NAV1: variants seen among roughly 807,000 people sequenced by gnomAD.
NAV1 encodes pore membrane and/or filament interacting like protein 3.
In NAV1, 18 loss-of-function variants were observed where a neutral mutation model predicts 175.2. The observed-to-expected ratio is 0.10, with a 90% confidence interval of 0.07 to 0.15. NAV1 has a LOEUF of 0.15. NAV1 is among the 10% of genes least tolerant of loss of function. The pLI, the probability that NAV1 is intolerant of heterozygous loss-of-function variation, is 1.00. For missense variants in NAV1, 1,731 were observed against 2,436.6 expected, an observed-to-expected ratio of 0.71 and a Z score of 6.10; for synonymous variants, 897 against 978.7, an observed-to-expected ratio of 0.92 and a Z score of 1.56.
chr1:201,806,626 T>C (rs1038338479), intron 17 of NAV1, among the ~76,000 whole-genome samples: 1 of 152,168 alleles, frequency 6.6e-6, no homozygotes. Context: ...AAGTCTTACG[T>C]CAATTATGCA....
chr1:201,751,506 C>G, intron 3 of NAV1, among the ~76,000 whole-genome samples: 1 of 152,186 alleles, frequency 6.6e-6, no homozygotes, highest in Non-Finnish European at 1.5e-5. Context: ...GGAATTTTGT[C>G]TGAATGGAAA....
chr1:201,676,368 C>T (rs1229449664), intron 1 of NAV1, among the ~76,000 whole-genome samples: 3 of 152,196 alleles, frequency 2.0e-5, no homozygotes, highest in Non-Finnish European at 2.9e-5. Context: ...TCTTTCTCTC[C>T]CTTTCTCCTT....
At chr1:201,642,523 T>TTCTTTCTTTCTTTC (rs1235070900) in intron 2 of NAV1, among the ~76,000 whole-genome samples, 29 of 96,602 alleles carry the variant, frequency 3.0e-4, no homozygotes, top group Non-Finnish European at 3.7e-4. Flanking sequence ...CTTTCTTTCT[T>TTCTTTCTTTCTTTC]TTTTTCTTTC....
intron 3 of NAV1, among the ~76,000 whole-genome samples, chr1:201,745,496 A>G (rs949112351): frequency 1.1e-4 from 17 of 152,230 alleles, no homozygotes; most frequent in African/African-American, 3.9e-4. Flanking sequence ...TTTCCTGGGT[A>G]CTGAGCTGGG....
intron 2 of NAV1, among the ~76,000 whole-genome samples, chr1:201,592,298 G>A (rs1667222355): frequency 6.6e-6 from 1 of 152,220 alleles, no homozygotes; most frequent in Non-Finnish European, 1.5e-5. Flanking sequence ...AAGCAGAGAG[G>A]GAAAGACAGT....
intron 1 of NAV1, among the ~76,000 whole-genome samples, chr1:201,580,612 A>C (rs1346197323): frequency 6.6e-6 from 1 of 152,174 alleles, no homozygotes; most frequent in Non-Finnish European, 1.5e-5. Flanking sequence ...GTCTCTGCTA[A>C]AAATACAAAA....
At chr1:201,595,612 G>A (rs1460396621) in intron 2 of NAV1, among the ~76,000 whole-genome samples, 1 of 152,232 alleles carries the variant, frequency 6.6e-6, no homozygotes, top group African/African-American at 2.4e-5. Context: ...TGGGGCCAGG[G>A]TAGGGGCAGG....
rs547292028 is a variant in NAV1, at chr1:201,552,421, C to T, written c.-144+13079C>T. Among the ~76,000 whole-genome samples the T allele has an allele frequency of 5.1e-4, 78 of 152,208 alleles. 1 individual carries two copies. The highest frequency in any genetic ancestry group is 9.6e-4 in the Non-Finnish European group (65 of 68,020). ...ATGTCCTTTCCCTTTCTCCTGCCCA[C>T]GGGAGCGCTGAAGGTGCTGAATTTC... is the stretch of plus-strand genomic sequence containing the variant. On this transcript the variant is annotated intron_variant, in intron 1 of 33. Coordinates refer to the NAV1 transcript ENST00000685211.
At chr1:201,589,245 C>T (rs1309138519) in intron 2 of NAV1, among the ~76,000 whole-genome samples, 1 of 152,132 alleles carries the variant, frequency 6.6e-6, no homozygotes, top group African/African-American at 2.4e-5. Flanking sequence ...AATATGGAGC[C>T]TTTTTACCCC....
intron 2 of NAV1, among the ~76,000 whole-genome samples, chr1:201,591,758 C>T (rs1291218318): frequency 6.6e-6 from 1 of 152,072 alleles, no homozygotes; most frequent in Non-Finnish European, 1.5e-5. Context: ...GCGGCATTGT[C>T]CCTCTTCTGT....
At chr1:201,556,989 C>CGGGAACCCTGACTCCATGATCCT (rs1557995926) in intron 1 of NAV1, among the ~76,000 whole-genome samples, 2 of 152,126 alleles carry the variant, frequency 1.3e-5, no homozygotes, top group Non-Finnish European at 2.9e-5. Context: ...GCCAGGGTCC[C>CGGGAACCCTGACTCCATGATCCT]GGGAACCCTG....
At chr1:201,613,204 A>G (rs1387717066) in intron 2 of NAV1, among the ~76,000 whole-genome samples, 1 of 151,960 alleles carries the variant, frequency 6.6e-6, no homozygotes, top group Non-Finnish European at 1.5e-5. Flanking sequence ...ATGAAAAGAG[A>G]TCTCCCCATC....
At chr1:201,626,693 C>A (rs1571851903) in intron 1 of NAV1, among the ~76,000 whole-genome samples, 1 of 152,222 alleles carries the variant, frequency 6.6e-6, no homozygotes, top group African/African-American at 2.4e-5. Flanking sequence ...TTTACCACCT[C>A]CCTAACCCCC....
intron 1 of NAV1, among the ~76,000 whole-genome samples, chr1:201,650,511 C>A (rs1376264355): frequency 6.6e-6 from 1 of 152,158 alleles, no homozygotes; most frequent in African/African-American, 2.4e-5. Context: ...CCTGGGTACC[C>A]GGCAGGCTGC....
chr1:201,757,034 CTGTTATACG>C (rs564223993), intron 3 of NAV1, among the ~76,000 whole-genome samples: 170 of 152,184 alleles, frequency 1.1e-3, no homozygotes, highest in Non-Finnish European at 1.8e-3. Context: ...AAGAGCCCTA[CTGTTATACG>C]GACCTATGCG....
chr1:201,811,816 CAGGACAACCTATGAGTTGT>C (rs1678712779), intron 25 of NAV1, 59 bp downstream of exon 29: 1 of 1,609,582 alleles, frequency 6.2e-7, no homozygotes, highest in African/African-American at 1.3e-5. Context: ...GAACCCAGTC[CAGGACAACCTATGAGTTGT>C]GTGCATGTGG....
chr1:201,541,716 G>A (rs148751891), intron 1 of NAV1, among the ~76,000 whole-genome samples: 110 of 152,318 alleles, frequency 7.2e-4, no homozygotes, highest in Non-Finnish European at 1.1e-3. Flanking sequence ...AGAGGTTGCA[G>A]TAAGCCGAGA....
At chr1:201,624,590 C>T (rs914305059) in intron 1 of NAV1, among the ~76,000 whole-genome samples, 2 of 151,968 alleles carry the variant, frequency 1.3e-5, no homozygotes, top group African/African-American at 2.4e-5. Context: ...TCGTGATCCG[C>T]CCACCTCAGC....
chr1:201,604,732 A>AAGAAAG (rs1305715888), intron 2 of NAV1, among the ~76,000 whole-genome samples: 1 of 151,328 alleles, frequency 6.6e-6, no homozygotes, highest in African/African-American at 2.4e-5. Flanking sequence ...AAGAGAAAGA[A>AAGAAAG]AGAAAGAAAG....
Sources: gnomAD v4.1 joint callset for allele counts (sites outside exome capture counted in the v4.1 genomes callset) on GRCh38, gnomAD v4.1.1 for gene constraint, MANE v1.5 for transcripts, NCBI Gene and HGNC (gene_info 2026-07-23, HGNC 2026-07-21) for gene names.